Variants in ITGAM observed in about 807,000 individuals in gnomAD.
ITGAM encodes the protein integrin subunit alpha M.
Under a neutral mutation model 137.5 loss-of-function variants are expected in ITGAM, and 79 were observed. The observed-to-expected ratio is 0.57, with a 90% confidence interval of 0.48 to 0.69. The LOEUF (loss-of-function observed/expected upper bound fraction) is 0.69. ITGAM is among the 30% of genes least tolerant of loss of function. The pLI, the probability that ITGAM is intolerant of heterozygous loss-of-function variation, is 0.00. For missense variants in ITGAM, 1,343 were observed against 1,483.5 expected, an observed-to-expected ratio of 0.91 and a Z score of 1.56; for synonymous variants, 583 against 592.3, an observed-to-expected ratio of 0.98 and a Z score of 0.23.
rs1207783093 is a variant in ITGAM at position 31,297,825 on chromosome 16, G to T, written c.1578G>T (p.Val526=). The T allele has an allele frequency of 1.2e-6, 2 of 1,613,822 alleles. No homozygotes were observed. The highest frequency in any genetic ancestry group is 1.7e-4 in the Middle Eastern group (1 of 6,054). The change falls in exon 14 of 30, where the codon GTG becomes GTT. Residue 526 remains valine (V), a synonymous_variant. Transcript: ENST00000544665. ...PWGRFGAALT[V]LGDVNGDKLT... is the part of the protein sequence containing the mutation. The stretch of plus-strand genomic sequence containing the variant: ...GCCGCTTTGGGGCAGCCCTAACAGT[G>T]CTGGGGGACGTAAATGGGGACAAGC...
chr16:31,314,090 T>C (rs1207977495), intron 14 of ITGAM, among the ~76,000 whole-genome samples: 1 of 152,172 alleles, frequency 6.6e-6, no homozygotes, highest in Non-Finnish European at 1.5e-5. Context: ...GTTTTTTTCT[T>C]GTAAATTTGT....
rs764938988 is a variant in ITGAM at position 31,297,562 on chromosome 16, A to C, written c.1405A>C (p.Asn469His). The C allele has an allele frequency of 6.2e-7, 1 of 1,612,168 alleles. No individual in the cohort carries two copies. ...ASLCSVDVDSNGSTDLVLIGA... is the reference protein window; with the variant it reads ...ASLCSVDVDSHGSTDLVLIGA... ...CCTCTGCTCCGTGGACGTGGACAGCAACGGCAGCACCGACCTGGTCCTCAT... is the reference window on the plus strand; with the variant it reads ...CCTCTGCTCCGTGGACGTGGACAGCCACGGCAGCACCGACCTGGTCCTCAT... The change falls in exon 13 of 30, where the codon AAC becomes CAC. Residue 469 changes from asparagine (N) to histidine (H), a missense_variant. Asn to His is a moderately conservative substitution (Grantham distance 68, BLOSUM62 1). Coordinates refer to ENST00000544665, the MANE Select transcript of ITGAM (RefSeq NM_000632.4).
At chr16:31,280,417 C>G (rs979052197) in intron 12 of ITGAM, among the ~76,000 whole-genome samples, 3 of 152,110 alleles carry the variant, frequency 2.0e-5, no homozygotes, top group Admixed American at 2.0e-4. Flanking sequence ...TTTCATTGAG[C>G]AGTGGTTTGT....
intron 14 of ITGAM, 124 bp downstream of exon 14, chr16:31,298,078 T>A: frequency 2.4e-6 from 2 of 825,112 alleles, no homozygotes; most frequent in Non-Finnish European, 3.9e-6. Flanking sequence ...TCAAAAATAA[T>A]AACATGTGGC....
intron 12 of ITGAM, among the ~76,000 whole-genome samples, chr16:31,283,256 A>T (rs1375938464): frequency 1.3e-5 from 2 of 152,054 alleles, no homozygotes; most frequent in East Asian, 3.9e-4. Context: ...CTGAATTTGA[A>T]TGTTGGCCTG....
intron 16 of ITGAM, among the ~76,000 whole-genome samples, chr16:31,323,124 C>G (rs546901696): frequency 1.6e-4 from 24 of 151,580 alleles, no homozygotes; most frequent in African/African-American, 5.1e-4. Flanking sequence ...AGGAAAGATG[C>G]AGTAGTTAAA....
chr16:31,288,680 T>C (rs2080054248), intron 12 of ITGAM, among the ~76,000 whole-genome samples: 1 of 152,182 alleles, frequency 6.6e-6, no homozygotes, highest in Non-Finnish European at 1.5e-5. Flanking sequence ...GGCATTACCA[T>C]TCAGGACATA....
chr16:31,321,221 C>T lies in ITGAM; in HGVS notation c.1708-20C>T, dbSNP rs1567277800. 1 of 1,613,472 alleles carries T rather than the reference C, an allele frequency of 6.2e-7. No homozygotes were observed. The highest frequency in any genetic ancestry group is 1.7e-5 in the Admixed American group (1 of 60,006). ...TCTTTCCTACCCCTTTCTCTCTCCACACCTCTTTTTTACCCTCAGCGGATA... is the reference window on the plus strand; with the variant it reads ...TCTTTCCTACCCCTTTCTCTCTCCATACCTCTTTTTTACCCTCAGCGGATA... On this transcript the variant is annotated intron_variant, in intron 14 of 29. Coordinates refer to ENST00000544665, the MANE Select transcript of ITGAM (RefSeq NM_000632.4).
chr16:31,271,391 C>T (rs1007684512), intron 6 of ITGAM, among the ~76,000 whole-genome samples: 1 of 152,168 alleles, frequency 6.6e-6, no homozygotes, highest in African/African-American at 2.4e-5. Context: ...CTCACTCTTT[C>T]TCTCAGGCTG....
rs767491804 is a variant in ITGAM at position 31,329,828 on chromosome 16, A to G, written c.2899A>G (p.Ile967Val). ...CAACCTGGGGCAGAGGAGCCTCCCCATCAGCCTGGTGTTCTTGGTGCCCGT... is the reference window on the plus strand; with the variant it reads ...CAACCTGGGGCAGAGGAGCCTCCCCGTCAGCCTGGTGTTCTTGGTGCCCGT... ...VSNLGQRSLPISLVFLVPVRL... is the reference protein window; with the variant it reads ...VSNLGQRSLPVSLVFLVPVRL... The change falls in exon 25 of 30, where the codon ATC (isoleucine) becomes GTC (valine). Residue 967 changes from isoleucine (I) to valine (V), a missense_variant. By Grantham distance (29) the Ile-to-Val change is conservative. Transcript: ENST00000544665. 1 of 1,560,572 alleles carries G rather than the reference A, an allele frequency of 6.4e-7. No homozygotes were observed. Among genetic ancestry groups the G allele is most frequent in the Non-Finnish European group, 8.7e-7 (1 of 1,152,220 alleles).
At chr16:31,262,998 G>A (rs1302231233) in intron 2 of ITGAM, among the ~76,000 whole-genome samples, 3 of 152,136 alleles carry the variant, frequency 2.0e-5, no homozygotes, top group African/African-American at 4.8e-5. Flanking sequence ...CTGGAGTGCA[G>A]TGGCATGATC....
chr16:31,316,918 C>G (rs2144464058), intron 14 of ITGAM, among the ~76,000 whole-genome samples: 1 of 152,162 alleles, frequency 6.6e-6, no homozygotes, highest in Non-Finnish European at 1.5e-5. Flanking sequence ...TGTATAGAAA[C>G]AAATAATTTT....
intron 14 of ITGAM, among the ~76,000 whole-genome samples, chr16:31,304,208 T>C (rs1219470558): frequency 6.6e-6 from 1 of 152,218 alleles, no homozygotes; most frequent in Non-Finnish European, 1.5e-5. Flanking sequence ...ATTTCCTTGA[T>C]GATTAGTGAT....
chr16:31,324,824 C>G lies in ITGAM; in HGVS notation c.2289+42C>G. The stretch of plus-strand genomic sequence containing the variant: ...GGTCCTGCAGGGGTGTGGAAGAGAC[C>G]AGAGACCAAGGTGGTTGAAACTCAT... On this transcript the variant is annotated intron_variant, in intron 18 of 29. Transcript: ENST00000544665. The surrounding 1 kb of genome is among the most constrained non-coding windows in gnomAD (Gnocchi z 4.5). 1 of 1,553,768 alleles carries G rather than the reference C, an allele frequency of 6.4e-7. No homozygotes were observed. Among genetic ancestry groups the G allele is most frequent in the Non-Finnish European group, 8.7e-7 (1 of 1,152,482 alleles).
intron 3 of ITGAM, 23 bp downstream of exon 3, chr16:31,265,521 TG>T: frequency 1.3e-6 from 2 of 1,482,820 alleles, no homozygotes; most frequent in East Asian, 2.4e-5. Flanking sequence ...CCCGCCGGGC[TG>T]GGACTGGGAT....
chr16:31,328,680 G>A (rs1006205912), intron 23 of ITGAM, among the ~76,000 whole-genome samples: 3 of 150,758 alleles, frequency 2.0e-5, no homozygotes, highest in African/African-American at 7.3e-5. Context: ...TTGTGTGCAT[G>A]GGTGTGTATT....
intron 12 of ITGAM, 107 bp from the exon 13 acceptor site, chr16:31,297,407 C>T (rs1200608552): frequency 3.5e-6 from 5 of 1,418,012 alleles, no homozygotes; most frequent in Non-Finnish European, 4.9e-6. Context: ...ATCACATCTG[C>T]TCCAGAGGGA....
intron 29 of ITGAM, 73 bp downstream of exon 29, chr16:31,331,348 T>TC (rs763295241): frequency 2.2e-6 from 2 of 909,402 alleles, no homozygotes; most frequent in Admixed American, 1.9e-5. Context: ...TGCCTCGGTT[T>TC]CCCCGGCGGG....
At chr16:31,330,653 C>G in intron 28 of ITGAM, 48 bp downstream of exon 28, 1 of 1,354,722 alleles carries the variant, frequency 7.4e-7, no homozygotes, top group East Asian at 2.4e-5. Context: ...AGGGGCTGCG[C>G]TTGTGGAGAT....
Sources: allele counts gnomAD v4.1 joint callset (sites outside exome capture counted in the v4.1 genomes callset), GRCh38; gene constraint gnomAD v4.1.1; non-coding constraint Gnocchi (gnomAD v3.1); transcripts MANE v1.5; gene names NCBI Gene and HGNC (gene_info 2026-07-23, HGNC 2026-07-21).